The following SASH1 variants were observed in gnomAD, a reference collection of about 807,000 sequenced individuals.
SASH1 encodes the protein SAM and SH3 domain containing 1.
A neutral mutation model predicts 125.2 loss-of-function variants in SASH1; 44 were observed. The ratio of observed to expected loss-of-function variants is 0.35; its 90% CI spans 0.28 to 0.45. SASH1 has a LOEUF of 0.45. Ranked by LOEUF, SASH1 falls within the 20% of genes least tolerant of loss-of-function variation. The pLI is 1.00. For synonymous variants in SASH1, 639 were observed against 649.1 expected (o/e 0.98, Z 0.24); for missense variants, 1,426 against 1,614.5 (o/e 0.88, Z 2.00).
In SASH1 at chr6:148,540,085, C is replaced by A. The variant is rs192094655; in HGVS notation, c.2096-358C>A. On this transcript the variant is annotated intron_variant, in intron 16 of 19. Transcript: ENST00000367467. ...GGGCGTTTATTCTTTCTTTGCTTCT[C>A]CTTGATGGTGCCATCACTCAGAAGG... Among the ~76,000 whole-genome samples, 3 of 152,288 alleles carry A rather than the reference C, an allele frequency of 2.0e-5. No homozygotes were observed. The East Asian group carries it at 5.8e-4, about 29-fold the overall frequency.
At chr6:148,535,622 G>GAATC (rs1409518419) in intron 16 of SASH1, among the ~76,000 whole-genome samples, 1 of 152,192 alleles carries the variant, frequency 6.6e-6, no homozygotes, top group African/African-American at 2.4e-5. Context: ...CCTGTGAGCA[G>GAATC]AATCATCACT....
intron 8 of SASH1, among the ~76,000 whole-genome samples, chr6:148,505,234 A>G (rs1014536335): frequency 5.9e-5 from 9 of 152,220 alleles, no homozygotes; most frequent in Admixed American, 3.9e-4. Context: ...AGTCTTCTCT[A>G]TATCTGAACA....
At chr6:148,212,014 C>T in the SASH1 span, among the ~76,000 whole-genome samples, 4 of 152,158 alleles carry the variant, frequency 2.6e-5, no homozygotes, top group African/African-American at 7.2e-5. Flanking sequence ...AGGAATGTCC[C>T]CTCTCAGCTT....
chr6:148,327,626 A>C (rs1780866307), intron 1 of SASH1, among the ~76,000 whole-genome samples: 1 of 150,888 alleles, frequency 6.6e-6, no homozygotes, highest in African/African-American at 2.4e-5. Context: ...GATTAGTCAA[A>C]ATTATGGAAT....
At chr6:148,475,259 T>A (rs890788095) in intron 7 of SASH1, among the ~76,000 whole-genome samples, 3 of 152,222 alleles carry the variant, frequency 2.0e-5, no homozygotes, top group African/African-American at 7.2e-5. Flanking sequence ...TTTACCATTG[T>A]CTTGGTCCAT....
chr6:148,322,301 G>A (rs1400369846), intron 1 of SASH1, among the ~76,000 whole-genome samples: 5 of 152,108 alleles, frequency 3.3e-5, no homozygotes, highest in African/African-American at 7.2e-5. Context: ...GCATTGAGCC[G>A]AGACTGCGCC....
chr6:148,450,467 A>G (rs892663990), intron 4 of SASH1, among the ~76,000 whole-genome samples: 4 of 152,024 alleles, frequency 2.6e-5, no homozygotes, highest in Non-Finnish European at 5.9e-5. Flanking sequence ...TCCTTCCTTC[A>G]AGTCCTATTT....
chr6:148,381,541 G>T (rs1236382145), intron 1 of SASH1, among the ~76,000 whole-genome samples: 1 of 150,734 alleles, frequency 6.6e-6, no homozygotes, highest in African/African-American at 2.4e-5. Flanking sequence ...AGGCAGTGGG[G>T]TTCTAAAATA....
intron 1 of SASH1, among the ~76,000 whole-genome samples, chr6:148,309,866 T>C (rs1780253385): frequency 6.6e-6 from 1 of 152,064 alleles, no homozygotes; most frequent in Non-Finnish European, 1.5e-5. Flanking sequence ...TTTGAGTAAT[T>C]AATATCCCAT....
At chr6:148,405,125 T>G (rs1159913618) in intron 2 of SASH1, among the ~76,000 whole-genome samples, 1 of 151,942 alleles carries the variant, frequency 6.6e-6, no homozygotes, top group Non-Finnish European at 1.5e-5. Flanking sequence ...GCTTCCCTCT[T>G]CCTTTTCCTC....
chr6:148,260,796 CTTTTTTT>C, the SASH1 span, among the ~76,000 whole-genome samples: 95 of 104,034 alleles, frequency 9.1e-4, no homozygotes, highest in African/African-American at 2.2e-3. Context: ...CCTATAAGGG[CTTTTTTT>C]TTTTTTTTTT....
intron 2 of SASH1, among the ~76,000 whole-genome samples, chr6:148,431,764 C>T (rs746170129): frequency 3.3e-5 from 5 of 151,722 alleles, no homozygotes; most frequent in Non-Finnish European, 7.4e-5. Flanking sequence ...GGAGTCAACG[C>T]TTGGACTCCC....
chr6:148,335,819 CA>C (rs1163971064), intron 1 of SASH1, among the ~76,000 whole-genome samples: 1 of 152,114 alleles, frequency 6.6e-6, no homozygotes, highest in African/African-American at 2.4e-5. Flanking sequence ...GGTAAACTCC[CA>C]GCTCCATTAC....
At chr6:148,420,683 C>G (rs1385541407) in intron 2 of SASH1, among the ~76,000 whole-genome samples, 1 of 152,114 alleles carries the variant, frequency 6.6e-6, no homozygotes, top group African/African-American at 2.4e-5. Flanking sequence ...TTATTGTTCC[C>G]TATTTTTTTA....
chr6:148,358,504 T>G (rs537015672), intron 1 of SASH1, among the ~76,000 whole-genome samples: 1 of 151,932 alleles, frequency 6.6e-6, no homozygotes. Context: ...CCCAGGAGGG[T>G]CTGTTTCAAA....
upstream of SASH1, among the ~76,000 whole-genome samples, chr6:148,340,862 G>C (rs1044239275): frequency 1.3e-5 from 2 of 152,052 alleles, no homozygotes; most frequent in Non-Finnish European, 2.9e-5. Context: ...GAGACTGTGC[G>C]CAGTGGCTCA....
chr6:148,206,571 C>A, the SASH1 span, among the ~76,000 whole-genome samples: 1 of 152,108 alleles, frequency 6.6e-6, no homozygotes, highest in African/African-American at 2.4e-5. Flanking sequence ...AGGTGGACCA[C>A]CCGAAGTCAG....
intron 7 of SASH1, among the ~76,000 whole-genome samples, chr6:148,487,396 G>A (rs1037291612): frequency 1.3e-5 from 2 of 152,034 alleles, no homozygotes; most frequent in Non-Finnish European, 2.9e-5. Flanking sequence ...ATAGGGCAGG[G>A]TACTTGTCTT....
the SASH1 span, among the ~76,000 whole-genome samples, chr6:148,241,240 T>C: frequency 3.3e-5 from 5 of 152,316 alleles, no homozygotes; most frequent in African/African-American, 9.6e-5. Context: ...AGGCTGGAAA[T>C]AGGAACTGAG....
Sources: gnomAD v4.1 joint callset for allele counts (sites outside exome capture counted in the v4.1 genomes callset) on GRCh38, gnomAD v4.1.1 for gene constraint, MANE v1.5 for transcripts, NCBI Gene and HGNC (gene_info 2026-07-23, HGNC 2026-07-21) for gene names.